The following ARHGAP12 variants were observed in gnomAD, a reference collection of about 807,000 sequenced individuals.
ARHGAP12 encodes Rho GTPase activating protein 12, also known as rho GTPase-activating protein 12.
A neutral mutation model predicts 108.6 loss-of-function variants in ARHGAP12; 64 were observed. The ratio of observed to expected loss-of-function variants is 0.59; its 90% CI spans 0.48 to 0.73. The LOEUF is 0.73. Ranked by LOEUF, ARHGAP12 falls within the 30% of genes least tolerant of loss-of-function variation. The pLI, the probability that ARHGAP12 is intolerant of heterozygous loss-of-function variation, is 0.00. For synonymous variants in ARHGAP12, 312 were observed against 337.2 expected, an observed-to-expected ratio of 0.93 and a Z score of 0.82; for missense variants, 940 against 1,005.9, an observed-to-expected ratio of 0.93 and a Z score of 0.89.
intron 1 of ARHGAP12, among the ~76,000 whole-genome samples, chr10:31,915,633 T>C (rs1240512661): frequency 6.6e-6 from 1 of 152,204 alleles, no homozygotes; most frequent in African/African-American, 2.4e-5. Context: ...GTAATGCATT[T>C]GTAAATTAGC....
At chr10:31,904,921 C>T (rs1046779976) in intron 3 of ARHGAP12, among the ~76,000 whole-genome samples, 5 of 151,980 alleles carry the variant, frequency 3.3e-5, no homozygotes, top group African/African-American at 1.2e-4. Context: ...TGCCACCACA[C>T]CCGGCCTCCA....
intron 2 of ARHGAP12, among the ~76,000 whole-genome samples, chr10:31,909,914 G>A (rs1425893459): frequency 6.6e-6 from 1 of 151,938 alleles, no homozygotes; most frequent in Non-Finnish European, 1.5e-5. Flanking sequence ...AAGAAAAAAA[G>A]GAGGAGATTT....
At chr10:31,867,518 G>T (rs1837371121) in intron 3 of ARHGAP12, among the ~76,000 whole-genome samples, 1 of 151,948 alleles carries the variant, frequency 6.6e-6, no homozygotes, top group African/African-American at 2.4e-5. Context: ...TTACAACAAG[G>T]GATGGTTAAG....
intron 4 of ARHGAP12, among the ~76,000 whole-genome samples, chr10:31,860,177 C>T (rs189456695): frequency 1.8e-4 from 28 of 152,250 alleles, no homozygotes; most frequent in African/African-American, 6.7e-4. Flanking sequence ...TATAAATAAA[C>T]CAACTGAAAA....
chr10:31,814,316 G>A lies in ARHGAP12; in HGVS notation c.1777C>T (p.Pro593Ser), dbSNP rs771005631. The A allele has an allele frequency of 9.9e-6, 16 of 1,613,822 alleles. No individual in the cohort carries two copies. Among genetic ancestry groups the A allele is most frequent in the Admixed American group, 1.7e-5 (1 of 59,992 alleles). Residue 593 changes from proline (P) to serine (S), a missense_variant, in exon 14 of 20, where the codon CCA becomes TCA. Physicochemically the swap from Pro to Ser is moderately conservative, Grantham distance 74. Transcript: ENST00000344936. Reference protein sequence around the residue: ...EGIEEEIPDSPGIEKHDKEKE... With the variant: ...EGIEEEIPDSSGIEKHDKEKE... ...TCTTTATCATGCTTTTCTATTCCTG[G>A]TGAATCCGGTATCTCCTCTTCAATT...
chr10:31,894,555 C>T (rs1838596394), intron 3 of ARHGAP12, among the ~76,000 whole-genome samples: 1 of 152,068 alleles, frequency 6.6e-6, no homozygotes, highest in Admixed American at 6.6e-5. Context: ...TGTGAAGGAC[C>T]TCTTCAAGGA....
intron 1 of ARHGAP12, among the ~76,000 whole-genome samples, chr10:31,918,441 A>T (rs2132486486): frequency 6.6e-6 from 1 of 152,134 alleles, no homozygotes; most frequent in East Asian, 1.9e-4. Context: ...AGTGGCTCAT[A>T]TCTGTAATCC....
chr10:31,836,739 G>T (rs756872361), intron 9 of ARHGAP12, among the ~76,000 whole-genome samples: 11 of 152,132 alleles, frequency 7.2e-5, no homozygotes, highest in Non-Finnish European at 1.0e-4. Flanking sequence ...AGAAAGAGAC[G>T]CAAGAATACC....
chr10:31,915,087 T>C (rs1468403674), intron 1 of ARHGAP12, among the ~76,000 whole-genome samples: 1 of 152,060 alleles, frequency 6.6e-6, no homozygotes, highest in African/African-American at 2.4e-5. Context: ...CTAAAAATAT[T>C]GATCTCTTAG....
chr10:31,890,151 G>A (rs982212463), intron 3 of ARHGAP12, among the ~76,000 whole-genome samples: 2 of 152,022 alleles, frequency 1.3e-5, no homozygotes, highest in African/African-American at 4.8e-5. Flanking sequence ...GAAAACTGAG[G>A]CTCAGAGATT....
At chr10:31,852,221 G>C (rs1323364474) in intron 6 of ARHGAP12, among the ~76,000 whole-genome samples, 1 of 151,984 alleles carries the variant, frequency 6.6e-6, no homozygotes, top group East Asian at 1.9e-4. Context: ...AACACAACTA[G>C]ATATAAGATG....
intron 3 of ARHGAP12, among the ~76,000 whole-genome samples, chr10:31,866,265 C>A (rs2132321291): frequency 6.6e-6 from 1 of 152,290 alleles, no homozygotes; most frequent in South Asian, 2.1e-4. Context: ...CTGAAAGAAT[C>A]ACTCAATTCA....
intron 3 of ARHGAP12, among the ~76,000 whole-genome samples, chr10:31,884,685 T>G (rs1838126826): frequency 6.6e-6 from 1 of 152,228 alleles, no homozygotes. Context: ...TGAGGAACAT[T>G]CATTCACTGA....
chr10:31,913,343 A>C (rs545229748), intron 1 of ARHGAP12: 56 of 155,836 alleles, frequency 3.6e-4, no homozygotes, highest in Non-Finnish European at 2.7e-4. Context: ...ACCCTGGCCC[A>C]TTATGAAAGA....
chr10:31,892,358 G>A (rs1484827622), intron 3 of ARHGAP12, among the ~76,000 whole-genome samples: 1 of 152,132 alleles, frequency 6.6e-6, no homozygotes, highest in Non-Finnish European at 1.5e-5. Flanking sequence ...GCTGTATTCA[G>A]GAGACCCAAC....
At chr10:31,896,763 A>C in intron 3 of ARHGAP12, among the ~76,000 whole-genome samples, 1 of 152,216 alleles carries the variant, frequency 6.6e-6, no homozygotes, top group Non-Finnish European at 1.5e-5. Flanking sequence ...ATTTTAGCTC[A>C]GACATGTAAC....
chr10:31,879,189 T>C (rs896805047), intron 3 of ARHGAP12, among the ~76,000 whole-genome samples: 1 of 152,214 alleles, frequency 6.6e-6, no homozygotes, highest in Non-Finnish European at 1.5e-5. Flanking sequence ...GGCAGGCAGA[T>C]TGCTTGAGCT....
chr10:31,852,729 C>A, intron 5 of ARHGAP12, 132 bp from the exon 6 acceptor site: 18 of 227,424 alleles, frequency 7.9e-5, no homozygotes, highest in Non-Finnish European at 8.5e-5. Context: ...ACAAAAAATT[C>A]TTTTTTTTTT....
chr10:31,889,619 G>GTTTTTTTTTTTTTTT (rs869116452), intron 3 of ARHGAP12, among the ~76,000 whole-genome samples: 2 of 66,420 alleles, frequency 3.0e-5, no homozygotes, highest in African/African-American at 6.4e-5. Context: ...AATTTTTCTC[G>GTTTTTTTTTTTTTTT]TTTTTTTTTT....
Sources: allele counts gnomAD v4.1 joint callset (sites outside exome capture counted in the v4.1 genomes callset), GRCh38; gene constraint gnomAD v4.1.1; transcripts MANE v1.5; gene names NCBI Gene and HGNC (gene_info 2026-07-23, HGNC 2026-07-21).